RTTN: variants seen among roughly 807,000 people sequenced by gnomAD.
RTTN encodes the protein rotatin.
Under a neutral mutation model 269.2 loss-of-function variants are expected in RTTN, and 182 were observed. The observed-to-expected ratio is 0.68, with a 90% CI of 0.60 to 0.76. The LOEUF is 0.76. RTTN is among the 30% of genes least tolerant of loss of function. RTTN has a pLI of 0.00. For synonymous variants in RTTN, 1,006 were observed against 963.5 expected, an observed-to-expected ratio of 1.04 and a Z score of -0.82; for missense variants, 2,545 against 2,608.6, an observed-to-expected ratio of 0.98 and a Z score of 0.53.
chr18:70,170,640 A>G (rs2061114656), intron 11 of RTTN, among the ~76,000 whole-genome samples: 1 of 152,232 alleles, frequency 6.6e-6, no homozygotes, highest in African/African-American at 2.4e-5. Context: ...GTGGTGGGCC[A>G]GATCAGTTAA....
rs201505457 is a variant in RTTN at position 70,196,634 on chromosome 18, C to A, written c.708G>T (p.Leu236=). 3.3e-4 allele frequency: 524 copies of A among 1,611,922 alleles called. No homozygotes were observed. The highest frequency in any genetic ancestry group is 4.2e-4 in the Non-Finnish European group (493 of 1,179,242). ...RPKIVQSLLS[L]LKLAFGDGKH... ...TTCCATCTCCAAAGGCCAGTTTCAA[C>A]AGAGATAAAAGGCTCTGAAATCAAG... is the stretch of plus-strand genomic sequence containing the variant. Residue 236 remains leucine (L), a synonymous_variant, in exon 7 of 49, where the codon CTG becomes CTT. Transcript: ENST00000640769.
chr18:70,004,396 TAAA>T (rs965860761), intron 48 of RTTN, among the ~76,000 whole-genome samples, 160 bp from the exon 49 acceptor site: 23 of 152,292 alleles, frequency 1.5e-4, no homozygotes, highest in Middle Eastern at 3.4e-3. Context: ...TTGCATTTTT[TAAA>T]AAATAAACAA....
intron 10 of RTTN, among the ~76,000 whole-genome samples, chr18:70,178,568 T>C (rs1388385928): frequency 6.6e-6 from 1 of 151,742 alleles, no homozygotes; most frequent in East Asian, 1.9e-4. Context: ...CTTTTGAGAG[T>C]AGACCAAGCA....
intron 42 of RTTN, among the ~76,000 whole-genome samples, chr18:70,029,443 C>T (rs953040906): frequency 6.6e-6 from 1 of 152,054 alleles, no homozygotes; most frequent in Non-Finnish European, 1.5e-5. Flanking sequence ...GCAGTTTAAA[C>T]ATGAGTCCAG....
chr18:70,092,195 G>A lies in RTTN; in HGVS notation c.4058C>T (p.Pro1353Leu), dbSNP rs2058867424. 6.2e-7 allele frequency: 1 copy of A among 1,612,002 alleles called. No homozygotes were observed. The highest frequency in any genetic ancestry group is 1.7e-5 in the Admixed American group (1 of 59,962). The change falls in exon 30 of 49, where the codon CCT (proline) becomes CTT (leucine). Residue 1353 changes from proline to leucine, a missense_variant. By Grantham distance (98) the Pro-to-Leu change is moderately conservative. Coordinates refer to ENST00000640769, the MANE Select transcript of RTTN (RefSeq NM_173630.4). ...SLEWMSLWFLPLGSHSEEHIP... is the reference protein window; with the variant it reads ...SLEWMSLWFLLLGSHSEEHIP... Reference sequence around the variant, plus strand: ...ATGTTCTTCACTATGACTACCCAAAGGCAAGAACCAAAGTGACATCCACTC... The same window carrying A: ...ATGTTCTTCACTATGACTACCCAAAAGCAAGAACCAAAGTGACATCCACTC...
chr18:70,163,954 T>C (rs1382574208), intron 14 of RTTN, among the ~76,000 whole-genome samples: 1 of 152,122 alleles, frequency 6.6e-6, no homozygotes, highest in Non-Finnish European at 1.5e-5. Flanking sequence ...TTAAGTGAAA[T>C]AAGCCAGTAA....
At position 70,020,753 on chromosome 18, in the gene RTTN, G is replaced by A. The variant is rs117183725; in HGVS notation, c.6015C>T (p.Ala2005=). 14,605 of 1,613,954 alleles carry A rather than the reference G, an allele frequency of 9.0e-3. 93 individuals are homozygous for A. Among genetic ancestry groups the A allele is most frequent in the Middle Eastern group, 0.025 (154 of 6,062 alleles). ...TACACAGCATCAGAGAGTTGCTCAC[G>A]GCTCCTCTATGTGTAGCTTGAACAG... is the stretch of plus-strand genomic sequence containing the variant. ...QHPVQATHRG[A]VSNSLMLCIL... Residue 2005 remains alanine (A), a synonymous_variant, in exon 45 of 49, where the codon GCC becomes GCT. Coordinates refer to ENST00000640769, the MANE Select transcript of RTTN (RefSeq NM_173630.4).
At position 70,147,539 on chromosome 18, in the gene RTTN, T is replaced by G. The variant is rs2060426599; in HGVS notation, c.2309+1362A>C. Among the ~76,000 whole-genome samples the G allele has an allele frequency of 2.0e-5, 3 of 152,174 alleles. No individual in the cohort carries two copies. The South Asian group carries it at 6.2e-4, about 32-fold the overall frequency. On this transcript the variant is annotated intron_variant, in intron 17 of 48. Coordinates refer to ENST00000640769, the MANE Select transcript of RTTN (RefSeq NM_173630.4). ...CATGTCATTAAGCAACGCATGACTGTGTATTTATGTATAAGGTACGCTATG... is the reference window on the plus strand; with the variant it reads ...CATGTCATTAAGCAACGCATGACTGGGTATTTATGTATAAGGTACGCTATG...
At chr18:70,006,637 T>C (rs2056197626) in intron 46 of RTTN, 153 bp from the exon 47 acceptor site, 2 of 636,030 alleles carry the variant, frequency 3.1e-6, no homozygotes, top group East Asian at 5.6e-5. Flanking sequence ...TTTTATGCCA[T>C]GTGGTATATG....
At chr18:70,026,310 C>G (rs893192477) in intron 43 of RTTN, among the ~76,000 whole-genome samples, 3 of 152,120 alleles carry the variant, frequency 2.0e-5, no homozygotes, top group African/African-American at 7.2e-5. Context: ...ATTGTAATCC[C>G]CAGTGCTAGA....
chr18:70,193,045 T>C (rs1250810275), intron 8 of RTTN: 1 of 411,984 alleles, frequency 2.4e-6, no homozygotes, highest in Non-Finnish European at 4.3e-6. Context: ...TATATATACA[T>C]AAACAGAGCA....
intron 10 of RTTN, among the ~76,000 whole-genome samples, chr18:70,180,335 A>T (rs1159130241): frequency 6.6e-6 from 1 of 152,128 alleles, no homozygotes; most frequent in Non-Finnish European, 1.5e-5. Context: ...TCTCTGCTAA[A>T]AATACAAAAA....
chr18:70,017,574 A>G lies in RTTN; in HGVS notation c.6254T>C (p.Ile2085Thr). The G allele has an allele frequency of 6.2e-7, 1 of 1,614,086 alleles. No homozygotes were observed. Among genetic ancestry groups the G allele is most frequent in the Non-Finnish European group, 8.5e-7 (1 of 1,179,976 alleles). The part of the protein sequence containing the change: ...TILWLKLLLN[I>T]SSGEDGQQMI... ...TTGTTGCCCATCTTCTCCAGATGAT[A>G]TATTCAGGAGTAACTTCAACCAAAG... The change falls in exon 46 of 49, where the codon ATA becomes ACA. Residue 2085 changes from isoleucine to threonine, a missense_variant. Coordinates refer to ENST00000640769, the MANE Select transcript of RTTN (RefSeq NM_173630.4).
At chr18:70,089,843 T>C (rs111529204) in intron 30 of RTTN, among the ~76,000 whole-genome samples, 7 of 152,306 alleles carry the variant, frequency 4.6e-5, no homozygotes, top group African/African-American at 1.7e-4. Flanking sequence ...ATTGGCTTGG[T>C]TCCTCCTGAT....
chr18:70,037,712 T>TA (rs2057217292), intron 40 of RTTN, among the ~76,000 whole-genome samples: 1 of 152,082 alleles, frequency 6.6e-6, no homozygotes, highest in South Asian at 2.1e-4. Flanking sequence ...AAAGACTCCT[T>TA]TTGTTTGAGA....
Position 70,127,616 on chromosome 18 carries a change from G to A in RTTN, c.3269C>T (p.Ala1090Val). 6.2e-7 allele frequency: 1 copy of A among 1,613,574 alleles called. No homozygotes were observed. The highest frequency in any genetic ancestry group is 1.7e-5 in the Admixed American group (1 of 59,864). ...VQAATHREVR[A>V]AVTRMSFYLL... ...ATAAAAACTCATCCTGGTGACAGCA[G>A]CCCTAACTTCCCTGTGGGTTGCAGC... The change falls in exon 25 of 49, where the codon GCT (alanine) becomes GTT (valine). Residue 1090 changes from alanine to valine, a missense_variant. Coordinates refer to ENST00000640769, the MANE Select transcript of RTTN (RefSeq NM_173630.4).
intron 34 of RTTN, among the ~76,000 whole-genome samples, chr18:70,069,840 G>A (rs2058248482): frequency 6.6e-6 from 1 of 152,052 alleles, no homozygotes; most frequent in African/African-American, 2.4e-5. Flanking sequence ...TAAAGTACAA[G>A]TCTAGCCACA....
chr18:70,144,928 A>C (rs1412254650), intron 18 of RTTN, among the ~76,000 whole-genome samples: 4 of 152,368 alleles, frequency 2.6e-5, no homozygotes, highest in Non-Finnish European at 5.9e-5. Flanking sequence ...CCATGAAAAC[A>C]GTGGACTAGT....
At chr18:70,089,344 G>C (rs931101129) in intron 30 of RTTN, among the ~76,000 whole-genome samples, 1 of 152,206 alleles carries the variant, frequency 6.6e-6, no homozygotes, top group Non-Finnish European at 1.5e-5. Context: ...ACAGTGAGAA[G>C]GTGGCCCTCT....
Sources: gnomAD v4.1 joint callset for allele counts (sites outside exome capture counted in the v4.1 genomes callset) on GRCh38, gnomAD v4.1.1 for gene constraint, MANE v1.5 for transcripts, NCBI Gene and HGNC (gene_info 2026-07-23, HGNC 2026-07-21) for gene names.